The following MAST2 variants were observed in gnomAD, a reference collection of about 807,000 sequenced individuals.
MAST2 encodes the protein microtubule associated serine/threonine kinase 2.
In MAST2, 70 loss-of-function variants were observed where a neutral mutation model predicts 147.4. The observed-to-expected ratio is 0.47, with a 90% confidence interval of 0.39 to 0.58. The LOEUF is 0.58. Among genes scored for constraint, MAST2 ranks in the 20% least tolerant of loss-of-function variants. The pLI, the probability that MAST2 is intolerant of heterozygous loss-of-function variation, is 0.00. For missense variants in MAST2, 2,080 were observed against 2,302.3 expected, an observed-to-expected ratio of 0.90 and a Z score of 1.98; for synonymous variants, 869 against 896.8, an observed-to-expected ratio of 0.97 and a Z score of 0.55.
chr1:45,967,325 C>T (rs988970946), intron 5 of MAST2, among the ~76,000 whole-genome samples: 1 of 152,086 alleles, frequency 6.6e-6, no homozygotes, highest in African/African-American at 2.4e-5. Context: ...CTGGCTCAGC[C>T]TACCAAAGTG....
chr1:45,950,494 G>A (rs764426560), intron 4 of MAST2, among the ~76,000 whole-genome samples: 6 of 152,102 alleles, frequency 3.9e-5, no homozygotes, highest in Non-Finnish European at 5.9e-5. Flanking sequence ...AAGGAAAGAC[G>A]TCTCCCTTGA....
intron 5 of MAST2, among the ~76,000 whole-genome samples, chr1:45,965,674 A>G (rs1661082110): frequency 1.3e-5 from 2 of 152,126 alleles, no homozygotes; most frequent in African/African-American, 4.8e-5. Context: ...ATGTCAGTTC[A>G]GTAGGTACAT....
chr1:45,835,245 G>A (rs1178025492), intron 3 of MAST2, among the ~76,000 whole-genome samples: 2 of 151,852 alleles, frequency 1.3e-5, no homozygotes, highest in African/African-American at 2.4e-5. Flanking sequence ...TCAATCTTTC[G>A]CATCACATTA....
intron 10 of MAST2, among the ~76,000 whole-genome samples, 164 bp from the exon 11 acceptor site, chr1:46,019,432 C>A (rs759560736): frequency 1.3e-4 from 20 of 152,158 alleles, no homozygotes; most frequent in Non-Finnish European, 2.6e-4. Flanking sequence ...CTATGAGCAA[C>A]TCGCTCCCTC....
intron 1 of MAST2, 77 bp from the exon 2 acceptor site, chr1:45,824,356 A>C (rs770395545): frequency 5.0e-5 from 56 of 1,116,658 alleles, no homozygotes; most frequent in Middle Eastern, 2.6e-4. Context: ...TGAATGCTGT[A>C]GAGATGTTTA....
At chr1:45,808,489 G>A (rs1230787754) in intron 1 of MAST2, among the ~76,000 whole-genome samples, 2 of 152,154 alleles carry the variant, frequency 1.3e-5, no homozygotes, top group African/African-American at 2.4e-5. Flanking sequence ...GATTACAGGC[G>A]TGAGCCACCG....
chr1:45,809,165 AATC>A (rs762522372), intron 1 of MAST2, among the ~76,000 whole-genome samples: 22 of 152,228 alleles, frequency 1.4e-4, no homozygotes, highest in Non-Finnish European at 2.9e-4. Context: ...AGGCTGTCTT[AATC>A]ATCATGGTAT....
chr1:45,816,712 G>A (rs1476564340), intron 1 of MAST2, among the ~76,000 whole-genome samples: 1 of 152,078 alleles, frequency 6.6e-6, no homozygotes, highest in African/African-American at 2.4e-5. Flanking sequence ...ATGGAGTCTC[G>A]CTCTGTTGCC....
At position 46,035,577 on chromosome 1, in the gene MAST2, A is replaced by G. The variant is rs777644032; in HGVS notation, c.4908A>G (p.Gly1636=). The G allele has an allele frequency of 4.3e-6, 7 of 1,613,034 alleles. No individual in the cohort carries two copies. The East Asian group carries it at 6.7e-5, about 15-fold the overall frequency. Reference sequence around the variant, plus strand: ...CAGCACTTTCTCCCAGCACTTCGGGACTCACCCCCACCAGCAGTTGCTCTC... The same window carrying G: ...CAGCACTTTCTCCCAGCACTTCGGGGCTCACCCCCACCAGCAGTTGCTCTC... The part of the protein sequence containing the change: ...ALTALSPSTS[G]LTPTSSCSPP... The change falls in exon 29 of 29, where the codon GGA becomes GGG. Residue 1636 remains glycine, a synonymous_variant. Coordinates refer to ENST00000361297, the MANE Select transcript of MAST2 (RefSeq NM_015112.3). This position sits in a 1 kb window ranked among gnomAD's most constrained non-coding sequence, Gnocchi z 5.5.
chr1:45,941,306 G>C (rs10789484), intron 4 of MAST2, among the ~76,000 whole-genome samples: 51,609 of 151,982 alleles, frequency 0.34, 9,141 homozygotes, highest in African/African-American at 0.43. Flanking sequence ...GTCACCCAGG[G>C]TAGAGTGCAG....
chr1:45,840,001 T>G (rs1645224701), intron 3 of MAST2, among the ~76,000 whole-genome samples: 1 of 152,244 alleles, frequency 6.6e-6, no homozygotes, highest in African/African-American at 2.4e-5. Context: ...ATGTAAGAGC[T>G]TAAATCATAA....
At chr1:45,820,893 C>CTTTTTTTTT (rs769508054) in intron 1 of MAST2, among the ~76,000 whole-genome samples, 48 of 43,076 alleles carry the variant, frequency 1.1e-3, no homozygotes, top group East Asian at 2.0e-3. Context: ...CTTTCTTTCT[C>CTTTTTTTTT]TTTTTTTTTT....
chr1:45,813,067 C>T (rs1644350965), intron 1 of MAST2, among the ~76,000 whole-genome samples: 1 of 152,046 alleles, frequency 6.6e-6, no homozygotes, highest in African/African-American at 2.4e-5. Context: ...ATAGTATTTG[C>T]ATGTAACCTA....
At chr1:45,953,068 T>TC (rs1659163227) in intron 4 of MAST2, among the ~76,000 whole-genome samples, 1 of 152,162 alleles carries the variant, frequency 6.6e-6, no homozygotes, top group South Asian at 2.1e-4. Flanking sequence ...TTAAAAGCGA[T>TC]CTAGGATCTT....
At chr1:45,808,067 A>G (rs1644192435) in intron 1 of MAST2, among the ~76,000 whole-genome samples, 1 of 152,026 alleles carries the variant, frequency 6.6e-6, no homozygotes, top group Admixed American at 6.6e-5. Context: ...AGTTTTTATT[A>G]TACTAGTATT....
chr1:45,869,955 C>A (rs1646314178), intron 3 of MAST2, among the ~76,000 whole-genome samples: 1 of 151,004 alleles, frequency 6.6e-6, no homozygotes, highest in Non-Finnish European at 1.5e-5. Flanking sequence ...CAGAGTTTTG[C>A]TCTTGTCACC....
At chr1:45,916,849 CGGGT>C (rs1652612759) in intron 4 of MAST2, among the ~76,000 whole-genome samples, 1 of 152,104 alleles carries the variant, frequency 6.6e-6, no homozygotes, top group Admixed American at 6.5e-5. Flanking sequence ...GAGGCCGAGG[CGGGT>C]GGATCACTCG....
At chr1:45,901,466 A>G (rs1472714686) in intron 4 of MAST2, among the ~76,000 whole-genome samples, 1 of 152,002 alleles carries the variant, frequency 6.6e-6, no homozygotes, top group East Asian at 1.9e-4. Context: ...TTTGCTTACG[A>G]TTGCTTTTAC....
At chr1:45,836,261 CTG>C (rs1174572181) in intron 3 of MAST2, among the ~76,000 whole-genome samples, 1 of 152,056 alleles carries the variant, frequency 6.6e-6, no homozygotes, top group East Asian at 1.9e-4. Flanking sequence ...CAGTACTTTT[CTG>C]TGTTTTTGAT....
Sources: gnomAD v4.1 joint callset for allele counts (sites outside exome capture counted in the v4.1 genomes callset) on GRCh38, gnomAD v4.1.1 for gene constraint, Gnocchi (gnomAD v3.1) non-coding constraint, MANE v1.5 for transcripts, NCBI Gene and HGNC (gene_info 2026-07-23, HGNC 2026-07-21) for gene names.